KCNQ1OT1: variants seen among roughly 807,000 people sequenced by gnomAD.
KCNQ1OT1 encodes KCNQ1 antisense RNA 2 (non-protein coding).
Position 2,673,332 on chromosome 11 carries a change from G to A in KCNQ1OT1, n.26663C>T, listed in dbSNP as rs1850220976. 2 of 398,640 alleles carry A rather than the reference G, an allele frequency of 5.0e-6. No individual in the cohort carries two copies. The highest frequency in any genetic ancestry group is 2.1e-5 in the African/African-American group (1 of 48,642). 24.7% of individuals were successfully genotyped at this position (398,640 alleles called of 1,614,324 possible). A position where few individuals can be genotyped will look rare whatever the true frequency, so the allele number is the denominator to read the frequency against. On this transcript the variant is annotated non_coding_transcript_exon_variant, in exon 1 of 1. Coordinates refer to ENST00000597346, the Ensembl canonical transcript of KCNQ1OT1. The surrounding 1 kb of genome is among the most constrained non-coding windows in gnomAD (Gnocchi z 4.5). ...CCCACAGGCTACCAGGCCAGCTTTT[G>A]GAAACAGTCTCATTAGCAAACAAAG...
chr11:2,631,585 G>A (rs1849353870), exon 1 of KCNQ1OT1: 2 of 398,226 alleles, frequency 5.0e-6, no homozygotes, highest in Non-Finnish European at 8.8e-6. Context: ...AATTTCTTGG[G>A]AGTCAGTCCC....
At position 2,670,604 on chromosome 11, in the gene KCNQ1OT1, C is replaced by A. The variant is rs965221992; in HGVS notation, n.29391G>T. On this transcript the variant is annotated non_coding_transcript_exon_variant, in exon 1 of 1. Coordinates refer to ENST00000597346, the Ensembl canonical transcript of KCNQ1OT1. This position sits in a 1 kb window ranked among gnomAD's most constrained non-coding sequence, Gnocchi z 4.9. ...AAGCCAGGGCTCATTCCCAGACACA[C>A]AATCTCTGGGGGAGCCTGGATATGC... The A allele has an allele frequency of 2.5e-6, 1 of 398,404 alleles. No individual in the cohort carries two copies. Among genetic ancestry groups the A allele is most frequent in the Non-Finnish European group, 4.4e-6 (1 of 226,064 alleles). 24.7% of individuals were successfully genotyped at this position (398,404 alleles called of 1,614,324 possible). A position where few individuals can be genotyped will look rare whatever the true frequency, so the allele number is the denominator to read the frequency against.
exon 1 of KCNQ1OT1, chr11:2,680,692 A>G (rs995285082): frequency 4.5e-5 from 18 of 398,322 alleles, no homozygotes; most frequent in African/African-American, 1.4e-4. Flanking sequence ...AGAATCCCTC[A>G]TGTCCCCCTT....
At chr11:2,635,756 T>C (rs1185389083) in exon 1 of KCNQ1OT1, 8 of 152,226 alleles carry the variant, frequency 5.3e-5, no homozygotes, top group African/African-American at 9.6e-5. Context: ...GGCATTGAAT[T>C]TATAAATTAC....
At chr11:2,632,834 G>C in exon 1 of KCNQ1OT1, 1 of 398,402 alleles carries the variant, frequency 2.5e-6, no homozygotes, top group Non-Finnish European at 4.4e-6. Context: ...GGAGATTTAA[G>C]TTGATTCCAT....
At position 2,612,181 on chromosome 11, in the gene KCNQ1OT1, G is replaced by A; in HGVS notation, n.87814C>T. ...GCTACACAGCAGGAGGTGAGCAGCA[G>A]GCAAGCAAGCATTACTGCCTGAGCT... is the stretch of plus-strand genomic sequence containing the variant. On this transcript the variant is annotated non_coding_transcript_exon_variant, in exon 1 of 1. Transcript: ENST00000597346. The surrounding 1 kb of genome is among the most constrained non-coding windows in gnomAD (Gnocchi z 5.5). 1 of 398,674 alleles carries A rather than the reference G, an allele frequency of 2.5e-6. No homozygotes were observed. The allele number at this position is 398,674 out of a possible 1,614,324, so 24.7% of individuals were successfully genotyped here.
In KCNQ1OT1 at chr11:2,657,322, T is replaced by C. The variant is rs940566627; in HGVS notation, n.42673A>G. 1.0e-5 allele frequency: 4 copies of C among 398,542 alleles called. No homozygotes were observed. The highest frequency in any genetic ancestry group is 8.2e-5 in the African/African-American group (4 of 48,644). 24.7% of individuals were successfully genotyped at this position (398,542 alleles called of 1,614,324 possible). A position where few individuals can be genotyped will look rare whatever the true frequency, so the allele number is the denominator to read the frequency against. On this transcript the variant is annotated non_coding_transcript_exon_variant, in exon 1 of 1. Coordinates refer to ENST00000597346, the Ensembl canonical transcript of KCNQ1OT1. The surrounding 1 kb of genome is among the most constrained non-coding windows in gnomAD (Gnocchi z 4.8). ...GATTTTGAGATAATCTTTTCAGTAT[T>C]GAGTCTTCTAGTCATTGGAATGAAG...
exon 1 of KCNQ1OT1, chr11:2,656,253 C>T: frequency 2.5e-6 from 1 of 398,652 alleles, no homozygotes; most frequent in Non-Finnish European, 4.4e-6. Flanking sequence ...CATTATATAA[C>T]CTAGGGTACT....
In KCNQ1OT1 at chr11:2,661,991, G is replaced by A; in HGVS notation, n.38004C>T. The A allele has an allele frequency of 1.9e-6, 3 of 1,614,196 alleles. No homozygotes were observed. Among genetic ancestry groups the A allele is most frequent in the Non-Finnish European group, 2.5e-6 (3 of 1,180,036 alleles). On this transcript the variant is annotated non_coding_transcript_exon_variant, in exon 1 of 1. Coordinates refer to ENST00000597346, the Ensembl canonical transcript of KCNQ1OT1. The surrounding 1 kb of genome is among the most constrained non-coding windows in gnomAD (Gnocchi z 5.9). The stretch of plus-strand genomic sequence containing the variant: ...AAGAGCCCAACACTGCTGGAAGTGA[G>A]CATGCCCCATTTCATGAGAACCAAC...
exon 1 of KCNQ1OT1, chr11:2,631,651 T>C (rs942380617): frequency 5.0e-6 from 2 of 398,504 alleles, no homozygotes; most frequent in African/African-American, 4.1e-5. Flanking sequence ...TTTCTGTTTC[T>C]TGTTACAATG....
Position 2,653,142 on chromosome 11 carries a change from A to G in KCNQ1OT1, n.46853T>C. 3 of 398,760 alleles carry G rather than the reference A, an allele frequency of 7.5e-6. No individual in the cohort carries two copies. The highest frequency in any genetic ancestry group is 8.8e-6 in the Non-Finnish European group (2 of 226,114). 24.7% of individuals were successfully genotyped at this position (398,760 alleles called of 1,614,324 possible). A position where few individuals can be genotyped will look rare whatever the true frequency, so the allele number is the denominator to read the frequency against. ...AGATGAGGACTTGCATCACAGCAGT[A>G]GAAAGCCAATGTCCCACCTTAGGAA... On this transcript the variant is annotated non_coding_transcript_exon_variant, in exon 1 of 1. Coordinates refer to ENST00000597346, the Ensembl canonical transcript of KCNQ1OT1. The surrounding 1 kb of genome is among the most constrained non-coding windows in gnomAD (Gnocchi z 5.3).
exon 1 of KCNQ1OT1, chr11:2,632,205 A>G (rs922378162): frequency 5.1e-6 from 2 of 388,544 alleles, no homozygotes; most frequent in African/African-American, 4.3e-5. Flanking sequence ...AAAAAAAAAG[A>G]AATGCAACTG....
chr11:2,637,270 T>C, exon 1 of KCNQ1OT1: 1 of 152,230 alleles, frequency 6.6e-6, no homozygotes. Flanking sequence ...TTAATTGTGA[T>C]GTTAGGGCAT....
chr11:2,646,623 T>G, exon 1 of KCNQ1OT1: 1 of 398,674 alleles, frequency 2.5e-6, no homozygotes. Flanking sequence ...CCTCCGAGGT[T>G]CAAGTGATCC....
At chr11:2,688,328 G>C (rs1666740189) in exon 1 of KCNQ1OT1, 1 of 398,674 alleles carries the variant, frequency 2.5e-6, no homozygotes, top group Non-Finnish European at 4.4e-6. Flanking sequence ...CACACACACA[G>C]CTTCCATGGG....
At position 2,651,470 on chromosome 11, in the gene KCNQ1OT1, ATC is replaced by A. The variant is rs1849755691; in HGVS notation, n.48523_48524del. On this transcript the variant is annotated non_coding_transcript_exon_variant, in exon 1 of 1. Transcript: ENST00000597346. This position sits in a 1 kb window ranked among gnomAD's most constrained non-coding sequence, Gnocchi z 6.1. ...AGTCAGAGGTAGTGCTTATGAAAGT[ATC>A]TGGTGGGCTTGCATTAAGAAGCTGT... The A allele has an allele frequency of 2.5e-6, 1 of 398,746 alleles. No homozygotes were observed. The highest frequency in any genetic ancestry group is 4.4e-6 in the Non-Finnish European group (1 of 226,126). 24.7% of individuals were successfully genotyped at this position (398,746 alleles called of 1,614,324 possible). A position where few individuals can be genotyped will look rare whatever the true frequency, so the allele number is the denominator to read the frequency against.
chr11:2,623,245 AC>A lies in KCNQ1OT1; in HGVS notation n.76749del, dbSNP rs1348378432. The stretch of plus-strand genomic sequence containing the variant: ...CCATGCTTACTGTACAGCCTACAAA[AC>A]TGTGAGTCAATTAAACCTCTTTTCT... On this transcript the variant is annotated non_coding_transcript_exon_variant, in exon 1 of 1. Coordinates refer to ENST00000597346, the Ensembl canonical transcript of KCNQ1OT1. The surrounding 1 kb of genome is among the most constrained non-coding windows in gnomAD (Gnocchi z 5.2). 2.5e-6 allele frequency: 1 copy of A among 398,582 alleles called. No individual in the cohort carries two copies. Among genetic ancestry groups the A allele is most frequent in the African/African-American group, 2.1e-5 (1 of 48,640 alleles). The allele number at this position is 398,582 out of a possible 1,614,324, so 24.7% of individuals were successfully genotyped here.
At chr11:2,665,393 G>A in exon 1 of KCNQ1OT1, 1 of 398,088 alleles carries the variant, frequency 2.5e-6, no homozygotes, top group Non-Finnish European at 4.4e-6. Flanking sequence ...TACCCCAAGA[G>A]CCAGGATGAG....
chr11:2,609,350 G>T (rs1848937555), exon 1 of KCNQ1OT1: 1 of 398,208 alleles, frequency 2.5e-6, no homozygotes, highest in South Asian at 1.3e-4. Flanking sequence ...TTGCTACTGA[G>T]TTCTACTTTT....
Sources: gnomAD v4.1 joint callset for allele counts on GRCh38, gnomAD v4.1.1 for gene constraint, Gnocchi (gnomAD v3.1) non-coding constraint, MANE v1.5 for transcripts, NCBI Gene and HGNC (gene_info 2026-07-23, HGNC 2026-07-21) for gene names.